The following A2ML1 variants were observed in gnomAD, a reference collection of about 807,000 sequenced individuals.
A2ML1 encodes the protein alpha-2-macroglobulin like 1, also known as alpha-2-macroglobulin-like protein 1.
In A2ML1, 161 loss-of-function variants were observed where a neutral mutation model predicts 181.9. The ratio of observed to expected loss-of-function variants is 0.89; its 90% CI spans 0.78 to 1.01. The LOEUF is 1.01. A2ML1 is among the 50% of genes least tolerant of loss of function. The probability of loss-of-function intolerance (pLI) is 0.00; values close to 1 mark genes in which losing one functional copy is unlikely to be tolerated. For synonymous variants in A2ML1, 663 were observed against 666.8 expected, an observed-to-expected ratio of 0.99 and a Z score of 0.09; for missense variants, 1,670 against 1,768.1, an observed-to-expected ratio of 0.94 and a Z score of 1.00.
chr12:8,877,219 G>A (rs1282044741), downstream of A2ML1, among the ~76,000 whole-genome samples: 1 of 152,172 alleles, frequency 6.6e-6, no homozygotes, highest in Non-Finnish European at 1.5e-5. Context: ...GATTCTCTAG[G>A]CAATTACACC....
Position 8,868,641 on chromosome 12 carries a change from G to T in A2ML1, c.4152+14G>T. 1 of 1,609,186 alleles carries T rather than the reference G, an allele frequency of 6.2e-7. No individual in the cohort carries two copies. Among genetic ancestry groups the T allele is most frequent in the Non-Finnish European group, 8.5e-7 (1 of 1,178,086 alleles). On this transcript the variant is annotated intron_variant, in intron 32 of 35. Transcript: ENST00000299698. ...ACCAATCAGTTAGTAAGTTACTTCTGTTTTCTTCATTTATCTAGCTGTGAG... is the reference window on the plus strand; with the variant it reads ...ACCAATCAGTTAGTAAGTTACTTCTTTTTTCTTCATTTATCTAGCTGTGAG...
At position 8,849,049 on chromosome 12, in the gene A2ML1, G is replaced by A. The variant is rs774497071; in HGVS notation, c.2028+135G>A. The A allele has an allele frequency of 4.1e-4, 387 of 945,432 alleles. 1 individual carries two copies. Among genetic ancestry groups the A allele is most frequent in the South Asian group, 2.7e-3 (148 of 55,134 alleles). The allele number at this position is 945,432 out of a possible 1,614,324, so 58.6% of individuals were successfully genotyped here. A position where few individuals can be genotyped will look rare whatever the true frequency, so the allele number is the denominator to read the frequency against. On this transcript the variant is annotated intron_variant, in intron 16 of 35. Coordinates refer to ENST00000299698, the MANE Select transcript of A2ML1 (RefSeq NM_144670.6). ...CAAAATCTTGAAAGAAGCTTCTGAC[G>A]TGTAAGGTCGCCTCTGTTGGCCCTT...
At chr12:8,847,059 C>T (rs1055450605) in intron 14 of A2ML1, among the ~76,000 whole-genome samples, 5 of 149,604 alleles carry the variant, frequency 3.3e-5, no homozygotes, top group Admixed American at 6.7e-5. Context: ...CTCAGACTCC[C>T]GAGTAGCTGG....
downstream of A2ML1, among the ~76,000 whole-genome samples, chr12:8,880,961 G>T (rs1273188302): frequency 6.6e-6 from 1 of 152,158 alleles, no homozygotes; most frequent in African/African-American, 2.4e-5. Context: ...AACACAAAAG[G>T]TTGGAGGGTT....
chr12:8,881,713 CT>C (rs200467618), downstream of A2ML1, among the ~76,000 whole-genome samples: 302 of 152,214 alleles, frequency 2.0e-3, 3 homozygotes, highest in East Asian at 0.025. Flanking sequence ...GTTCAGTTTA[CT>C]ACATTAAGTT....
chr12:8,848,111 A>G (rs1164203625), intron 15 of A2ML1, among the ~76,000 whole-genome samples: 3 of 150,910 alleles, frequency 2.0e-5, no homozygotes, highest in African/African-American at 7.3e-5. Flanking sequence ...CTGGGCAACA[A>G]GAGCAAAACT....
At chr12:8,834,761 G>C in intron 5 of A2ML1, 79 bp downstream of exon 5, 1 of 1,565,100 alleles carries the variant, frequency 6.4e-7, no homozygotes. Context: ...CTTGAAGACA[G>C]AAGCAACTCT....
At chr12:8,857,803 A>T in intron 25 of A2ML1, 143 bp from the exon 26 acceptor site, 2 of 1,261,276 alleles carry the variant, frequency 1.6e-6, no homozygotes, top group Non-Finnish European at 2.2e-6. Context: ...GGTGCCCATT[A>T]ATGCCTCTCT....
chr12:8,852,374 G>A lies in A2ML1; in HGVS notation c.2590+38G>A. On this transcript the variant is annotated intron_variant, in intron 20 of 35. Transcript: ENST00000299698. The surrounding 1 kb of genome is among the most constrained non-coding windows in gnomAD (Gnocchi z 4.2). ...AGTGGTAGACGGGCGAGGAAAGCCA[G>A]CAGCAGAAGACCAGTGACTGAGCAC... is the stretch of plus-strand genomic sequence containing the variant. 2 of 1,612,340 alleles carry A rather than the reference G, an allele frequency of 1.2e-6. No homozygotes were observed. Among genetic ancestry groups the A allele is most frequent in the Non-Finnish European group, 1.7e-6 (2 of 1,178,952 alleles).
Position 8,848,848 on chromosome 12 carries a change from G to A in A2ML1, c.1962G>A (p.Ser654=), listed in dbSNP as rs368979974. The A allele has an allele frequency of 3.1e-6, 5 of 1,613,992 alleles. No individual in the cohort carries two copies. The highest frequency in any genetic ancestry group is 4.2e-6 in the Non-Finnish European group (5 of 1,180,028). The change falls in exon 16 of 36, where the codon TCG becomes TCA. Residue 654 remains serine, a synonymous_variant. Coordinates refer to ENST00000299698, the MANE Select transcript of A2ML1 (RefSeq NM_144670.6). The part of the protein sequence containing the change: ...PLIDPMPQGH[S]SQRSIIWRPS... Reference sequence around the variant, plus strand: ...TTGACCCAATGCCCCAAGGGCATTCGAGCCAGCGTTCCATTATCTGGAGGC... The same window carrying A: ...TTGACCCAATGCCCCAAGGGCATTCAAGCCAGCGTTCCATTATCTGGAGGC...
At chr12:8,859,265 C>T (rs934909437) in intron 26 of A2ML1, among the ~76,000 whole-genome samples, 2 of 151,818 alleles carry the variant, frequency 1.3e-5, no homozygotes, top group African/African-American at 4.9e-5. Context: ...ATTGCTATTC[C>T]AGGGCAAGGA....
intron 3 of A2ML1, 25 bp from the exon 4 acceptor site, chr12:8,829,702 G>T (rs375045726): frequency 6.3e-7 from 1 of 1,583,702 alleles, no homozygotes; most frequent in African/African-American, 1.4e-5. Flanking sequence ...CATCCCCTTT[G>T]CTAATGATGC....
At chr12:8,886,549 A>G (rs1484784560) in exon 8 of A2ML1, 1 of 152,220 alleles carries the variant, frequency 6.6e-6, no homozygotes, top group Non-Finnish European at 1.5e-5. Flanking sequence ...TGGTCCATGA[A>G]CAATGACAGC....
At chr12:8,885,876 T>C (rs978518214) in intron 7 of A2ML1, among the ~76,000 whole-genome samples, 4 of 152,222 alleles carry the variant, frequency 2.6e-5, no homozygotes, top group African/African-American at 7.2e-5. Context: ...AGATCATCTA[T>C]TGAAAGACCA....
intron 9 of A2ML1, 136 bp downstream of exon 9, chr12:8,838,586 G>A: frequency 1.7e-6 from 1 of 600,466 alleles, no homozygotes; most frequent in Non-Finnish European, 2.8e-6. Context: ...TCATAGTCAA[G>A]GGGAAATACC....
intron 3 of A2ML1, among the ~76,000 whole-genome samples, chr12:8,824,517 G>C (rs1942865095): frequency 6.6e-6 from 1 of 151,616 alleles, no homozygotes; most frequent in Non-Finnish European, 1.5e-5. Context: ...TACTCTCTTA[G>C]TAATTTTTAA....
In A2ML1 at chr12:8,822,658, G is replaced by A; in HGVS notation, c.7G>A (p.Ala3Thr). Residue 3 changes from alanine to threonine, a missense_variant, in exon 1 of 36, where the codon GCT becomes ACT. Physicochemically the swap from Ala to Thr is moderately conservative, Grantham distance 58. Transcript: ENST00000299698. ...ATCTGTCTCACCCACAAAGATGTGG[G>A]CTCAGCTCCTTCTAGGAATGTTGGC... is the stretch of plus-strand genomic sequence containing the variant. MW[A>T]QLLLGMLALS... 1 of 1,614,084 alleles carries A rather than the reference G, an allele frequency of 6.2e-7. No individual in the cohort carries two copies. Among genetic ancestry groups the A allele is most frequent in the East Asian group, 2.2e-5 (1 of 44,882 alleles).
chr12:8,839,811 G>T (rs1051479921), intron 10 of A2ML1, among the ~76,000 whole-genome samples: 5 of 151,810 alleles, frequency 3.3e-5, no homozygotes, highest in Non-Finnish European at 5.9e-5. Flanking sequence ...GCAATGGCGC[G>T]ATCTCTGTTC....
At chr12:8,869,329 G>C in intron 33 of A2ML1, 126 bp downstream of exon 33, 1 of 915,828 alleles carries the variant, frequency 1.1e-6, no homozygotes, top group East Asian at 2.5e-5. Context: ...TCCACACCAT[G>C]CCATGAGTTC....
Sources: gnomAD v4.1 joint callset for allele counts (sites outside exome capture counted in the v4.1 genomes callset) on GRCh38, gnomAD v4.1.1 for gene constraint, Gnocchi (gnomAD v3.1) non-coding constraint, MANE v1.5 for transcripts, NCBI Gene and HGNC (gene_info 2026-07-23, HGNC 2026-07-21) for gene names.